Variants in STRA6 observed in about 807,000 individuals in gnomAD.
STRA6 encodes signaling receptor and transporter of retinol STRA6.
In STRA6, 48 loss-of-function variants were observed where a neutral mutation model predicts 83.6. That is an observed-to-expected ratio of 0.57 (90% CI 0.46 to 0.73). STRA6 has a LOEUF of 0.73. Among genes scored for constraint, STRA6 ranks in the 30% least tolerant of loss-of-function variants. The pLI is 0.00. For synonymous variants in STRA6, 353 were observed against 362.3 expected, an observed-to-expected ratio of 0.97 and a Z score of 0.29; for missense variants, 760 against 838.8, an observed-to-expected ratio of 0.91 and a Z score of 1.16.
upstream of STRA6, among the ~76,000 whole-genome samples, chr15:74,206,402 G>A (rs980636246): frequency 2.6e-5 from 4 of 152,174 alleles, no homozygotes; most frequent in Non-Finnish European, 4.4e-5. Context: ...TGGGAGGCTC[G>A]GCTCTGAGCT....
At position 74,181,503 on chromosome 15, in the gene STRA6, C is replaced by G. The variant is rs535135524; in HGVS notation, c.1521-45G>C. 4.1e-5 allele frequency: 65 copies of G among 1,604,540 alleles called. No homozygotes were observed. The East Asian group carries it at 1.4e-3, about 35-fold the overall frequency. ...CTGAGGCAGGCCGTTCCCCAGAGCT[C>G]CCTCCCCAGGGTCAGTGTCAGACCT... On this transcript the variant is annotated intron_variant, in intron 16 of 18. Transcript: ENST00000395105.
At chr15:74,203,264 G>T (rs1272128069), upstream of STRA6, 3 of 961,732 alleles carry the variant, frequency 3.1e-6, no homozygotes, top group Non-Finnish European at 3.7e-6. Context: ...CCACAAGGCG[G>T]AAATTAGCTC....
At chr15:74,183,588 C>T in intron 14 of STRA6, 2 of 1,319,906 alleles carry the variant, frequency 1.5e-6, no homozygotes, top group South Asian at 1.5e-5. Flanking sequence ...CCTGGGTCCA[C>T]CCCCATGTGA....
In STRA6 at chr15:74,180,465, C is replaced by T. The variant is rs149229782; in HGVS notation, c.1841-222G>A. Among the ~76,000 whole-genome samples, 170 of 152,294 alleles carry T rather than the reference C, an allele frequency of 1.1e-3. 1 individual carries two copies. The highest frequency in any genetic ancestry group is 3.9e-3 in the African/African-American group (161 of 41,556). On this transcript the variant is annotated intron_variant, in intron 18 of 18. Transcript: ENST00000395105. ...GAGCTGGCTTAGTGTCCCCTCCCTA[C>T]ACACACTTCTGGGCAGAAGGAAAGG...
chr15:74,193,615 A>C (rs758676152), intron 8 of STRA6, among the ~76,000 whole-genome samples, 185 bp downstream of exon 8: 8 of 152,172 alleles, frequency 5.3e-5, no homozygotes, highest in Non-Finnish European at 1.2e-4. Flanking sequence ...GGTGCCAGTC[A>C]AGGGCCCAGT....
Position 74,196,129 on chromosome 15 carries a change from A to C in STRA6, c.285T>G (p.Ala95=). Reference sequence around the variant, plus strand: ...CAGGCACTGCCCGGGGCCTGTCCCCAGCCAAGAAATCCACAGGGCTAGCAC... The same window carrying C: ...CAGGCACTGCCCGGGGCCTGTCCCCCGCCAAGAAATCCACAGGGCTAGCAC... The part of the protein sequence containing the change: ...PGLPSPVDFL[A]GDRPRAVPAA... The change falls in exon 5 of 19, where the codon GCT becomes GCG. Residue 95 remains alanine, a synonymous_variant. Transcript: ENST00000395105. The C allele has an allele frequency of 6.2e-7, 1 of 1,613,914 alleles. No homozygotes were observed.
chr15:74,202,349 A>AAAAG, intron 1 of STRA6, 67 bp from the exon 2 acceptor site: 3 of 1,565,684 alleles, frequency 1.9e-6, no homozygotes, highest in Non-Finnish European at 2.6e-6. Flanking sequence ...AAGAGAAAAA[A>AAAAG]AAAGAAAGAA....
At chr15:74,208,737 CT>C in intron 1 of STRA6, 1 of 988,134 alleles carries the variant, frequency 1.0e-6, no homozygotes, top group African/African-American at 1.7e-5. Flanking sequence ...CCCCATGTGC[CT>C]TCTCGCTGTT....
At chr15:74,203,263 G>A, upstream of STRA6, 2 of 961,682 alleles carry the variant, frequency 2.1e-6, no homozygotes, top group Non-Finnish European at 2.5e-6. Context: ...CCCACAAGGC[G>A]GAAATTAGCT....
In STRA6 at chr15:74,181,665, TG is replaced by T. The variant is rs146482003; in HGVS notation, c.1521-208del. ...ATGGGAAACTGAGGCCCAGAGAGATTGGGAGACTTAGCCAAGGCTGTCAGCT... is the reference window on the plus strand; with the variant it reads ...ATGGGAAACTGAGGCCCAGAGAGATTGGAGACTTAGCCAAGGCTGTCAGCT... On this transcript the variant is annotated intron_variant, in intron 16 of 18. Transcript: ENST00000395105. Among the ~76,000 whole-genome samples the T allele has an allele frequency of 3.8e-3, 579 of 152,226 alleles. 3 individuals are homozygous for T. Among genetic ancestry groups the T allele is most frequent in the African/African-American group, 0.013 (552 of 41,540 alleles).
chr15:74,202,940 T>A (rs1266255627), upstream of STRA6: 4 of 988,294 alleles, frequency 4.0e-6, no homozygotes, highest in Non-Finnish European at 2.4e-6. Flanking sequence ...ATTGGCGGCC[T>A]GAGCCCTGCA....
intron 18 of STRA6, 110 bp downstream of exon 18, chr15:74,180,672 G>A (rs1458165933): frequency 2.0e-6 from 3 of 1,467,064 alleles, no homozygotes; most frequent in African/African-American, 1.4e-5. Context: ...AAGGAAGAGA[G>A]GAAGTGAGAA....
rs780909196 is a variant in STRA6, at chr15:74,183,997, G to A, written c.1167-8C>T. 1.2e-6 allele frequency: 2 copies of A among 1,612,472 alleles called. No individual in the cohort carries two copies. The highest frequency in any genetic ancestry group is 1.7e-6 in the Non-Finnish European group (2 of 1,179,994). ...AGAGCTCGAAGGTTGGTCCTGGGGTGGGAGCCAGGGAGGCAGAGACCTCAG... is the reference window on the plus strand; with the variant it reads ...AGAGCTCGAAGGTTGGTCCTGGGGTAGGAGCCAGGGAGGCAGAGACCTCAG... On this transcript the variant is annotated splice_polypyrimidine_tract_variant and splice_region_variant and intron_variant, in intron 13 of 18. Transcript: ENST00000395105.
upstream of STRA6, among the ~76,000 whole-genome samples, chr15:74,211,823 T>C (rs1428022948): frequency 6.6e-6 from 1 of 152,094 alleles, no homozygotes; most frequent in African/African-American, 2.4e-5. Context: ...TGACTCAGTC[T>C]CCCTCCTTTC....
At chr15:74,208,296 C>G (rs755479075) in intron 1 of STRA6, among the ~76,000 whole-genome samples, 49 of 152,230 alleles carry the variant, frequency 3.2e-4, no homozygotes, top group Admixed American at 8.5e-4. Flanking sequence ...AGAGGGCTTC[C>G]TGCCTTCGGA....
chr15:74,209,124 G>C (rs1025771459), upstream of STRA6: 6 of 1,320,322 alleles, frequency 4.5e-6, no homozygotes, highest in Admixed American at 1.7e-4. Context: ...CGGGATCAGA[G>C]GAACCCACCC....
Position 74,193,989 on chromosome 15 carries a change from T to C in STRA6, c.598-67A>G, listed in dbSNP as rs1012895398. The C allele has an allele frequency of 3.8e-6, 6 of 1,595,282 alleles. No individual in the cohort carries two copies. In the African/African-American group the frequency reaches 6.7e-5, roughly 18 times the overall value. On this transcript the variant is annotated intron_variant, in intron 7 of 18. Coordinates refer to ENST00000395105, the MANE Select transcript of STRA6 (RefSeq NM_022369.4). ...TCCCCCAGCCAAGAACCAGAATCCG[T>C]TGCCCTTCCCACCTCACACTGGGCC...
chr15:74,204,940 A>AGAAAGAAAGAAAG (rs10647648), upstream of STRA6, among the ~76,000 whole-genome samples: 478 of 151,736 alleles, frequency 3.2e-3, 1 homozygote, highest in African/African-American at 0.011. Context: ...ATCTCAAAAA[A>AGAAAGAAAGAAAG]AAAGAAAGAA....
intron 6 of STRA6, 30 bp from the exon 7 acceptor site, chr15:74,195,498 T>G (rs528372313): frequency 6.2e-7 from 1 of 1,610,282 alleles, no homozygotes; most frequent in South Asian, 1.1e-5. Context: ...GAGAGACCCA[T>G]GCTGGAGGGG....
Sources: gnomAD v4.1 joint callset for allele counts (sites outside exome capture counted in the v4.1 genomes callset) on GRCh38, gnomAD v4.1.1 for gene constraint, MANE v1.5 for transcripts, NCBI Gene and HGNC (gene_info 2026-07-23, HGNC 2026-07-21) for gene names.